Variants in XRCC4 observed in about 807,000 individuals in gnomAD.
XRCC4 encodes the protein X-ray repair cross complementing 4.
A neutral mutation model predicts 39.1 loss-of-function variants in XRCC4; 28 were observed. The ratio of observed to expected loss-of-function variants is 0.72; its 90% CI spans 0.53 to 0.98. The LOEUF (loss-of-function observed/expected upper bound fraction) is 0.98, where lower values mean the gene tolerates loss of function less well. Ranked by LOEUF, XRCC4 falls within the 50% of genes least tolerant of loss-of-function variation. The pLI, the probability that XRCC4 is intolerant of heterozygous loss-of-function variation, is 0.00. For synonymous variants in XRCC4, 123 were observed against 126.4 expected (o/e 0.97, Z 0.18); for missense variants, 350 against 376.4 (o/e 0.93, Z 0.58).
intron 7 of XRCC4, among the ~76,000 whole-genome samples, chr5:83,297,655 A>T (rs1225702448): frequency 6.6e-6 from 1 of 151,988 alleles, no homozygotes. Context: ...GAGTAAGATT[A>T]TATAATGCTT....
intron 3 of XRCC4, among the ~76,000 whole-genome samples, chr5:83,112,175 T>C (rs973738265): frequency 6.6e-5 from 10 of 152,216 alleles, no homozygotes; most frequent in African/African-American, 2.2e-4. Context: ...CCAATTTATA[T>C]AAGTTTCAAT....
chr5:83,367,165 GC>G, the XRCC4 span, among the ~76,000 whole-genome samples: 25 of 151,790 alleles, frequency 1.6e-4, no homozygotes, highest in East Asian at 4.4e-3. Context: ...GATTACAAGA[GC>G]AATAAGTCAT....
At chr5:83,260,297 C>T (rs1247303205) in intron 7 of XRCC4, among the ~76,000 whole-genome samples, 1 of 151,980 alleles carries the variant, frequency 6.6e-6, no homozygotes, top group Non-Finnish European at 1.5e-5. Context: ...CAGTTTAAAA[C>T]GTTCCAGAAA....
chr5:83,156,501 G>A (rs901266816), intron 3 of XRCC4, among the ~76,000 whole-genome samples: 13 of 151,908 alleles, frequency 8.6e-5, no homozygotes, highest in African/African-American at 2.7e-4. Flanking sequence ...TGTGATAATC[G>A]TATTTCATTC....
At chr5:83,096,387 C>A (rs72767114) in intron 1 of XRCC4, among the ~76,000 whole-genome samples, 1 of 152,040 alleles carries the variant, frequency 6.6e-6, no homozygotes, top group Non-Finnish European at 1.5e-5. Context: ...GTGGGCTGAC[C>A]GGCCTTTGTG....
At chr5:83,370,293 C>G in the XRCC4 span, among the ~76,000 whole-genome samples, 1 of 152,126 alleles carries the variant, frequency 6.6e-6, no homozygotes, top group Non-Finnish European at 1.5e-5. Flanking sequence ...ATTCTCCAAG[C>G]AGTGGATCTT....
In XRCC4 at chr5:83,302,231, TG is replaced by T. The variant is rs547025614; in HGVS notation, c.893+43556del. 2.8e-4 allele frequency among the ~76,000 whole-genome samples: 43 copies of T among 150,936 alleles called. No individual in the cohort carries two copies. The South Asian group carries it at 8.8e-3, about 31-fold the overall frequency. ...AGGGAAGTGAATGATTCTGTCTCTC[TG>T]GTGTTCCAGGAGCCAATGGGGTACC... On this transcript the variant is annotated intron_variant, in intron 7 of 7. Transcript: ENST00000396027.
chr5:83,316,964 C>A (rs1417885277), intron 7 of XRCC4, among the ~76,000 whole-genome samples: 1 of 35,800 alleles, frequency 2.8e-5, no homozygotes, highest in African/African-American at 1.2e-4. Context: ...TAAAGCTCTC[C>A]TCAGCAAATG....
chr5:83,164,631 A>AT (rs1289524188), intron 3 of XRCC4, among the ~76,000 whole-genome samples: 1 of 152,136 alleles, frequency 6.6e-6, no homozygotes, highest in East Asian at 1.9e-4. Flanking sequence ...TAGTAGCTTG[A>AT]TTGTGGTAAT....
chr5:83,360,372 T>C, the XRCC4 span, among the ~76,000 whole-genome samples: 1 of 152,138 alleles, frequency 6.6e-6, no homozygotes, highest in Admixed American at 6.6e-5. Context: ...CAGAAACACC[T>C]ACTGATATTA....
chr5:83,145,457 G>C (rs1450286407), intron 3 of XRCC4, among the ~76,000 whole-genome samples: 1 of 152,166 alleles, frequency 6.6e-6, no homozygotes, highest in Non-Finnish European at 1.5e-5. Flanking sequence ...CAGTTAACTT[G>C]GCTGTATTTC....
chr5:83,329,292 C>T (rs1756362940), intron 7 of XRCC4, among the ~76,000 whole-genome samples: 1 of 151,732 alleles, frequency 6.6e-6, no homozygotes. Context: ...TAAATTTGAC[C>T]ACATTAAAAT....
chr5:83,090,189 C>T (rs757470949), intron 1 of XRCC4, among the ~76,000 whole-genome samples: 11 of 152,154 alleles, frequency 7.2e-5, no homozygotes, highest in Non-Finnish European at 1.3e-4. Flanking sequence ...TATGGTTTGG[C>T]TGTTTCCCCA....
chr5:83,183,189 T>C (rs1409644980), intron 3 of XRCC4, among the ~76,000 whole-genome samples: 1 of 152,122 alleles, frequency 6.6e-6, no homozygotes, highest in Non-Finnish European at 1.5e-5. Context: ...AATCTCCTTT[T>C]TTTCCCCAGT....
intron 7 of XRCC4, among the ~76,000 whole-genome samples, chr5:83,290,367 C>T (rs1754881613): frequency 6.6e-6 from 1 of 150,652 alleles, no homozygotes; most frequent in African/African-American, 2.4e-5. Context: ...AGTGGATGCC[C>T]TTTTATTAAT....
At chr5:83,325,269 A>G (rs866619699) in intron 7 of XRCC4, among the ~76,000 whole-genome samples, 5 of 152,192 alleles carry the variant, frequency 3.3e-5, no homozygotes, top group Middle Eastern at 3.4e-3. Context: ...GTTATTATTC[A>G]TAATGGAATC....
chr5:83,270,889 G>A (rs892097734), intron 7 of XRCC4, among the ~76,000 whole-genome samples: 2 of 151,628 alleles, frequency 1.3e-5, no homozygotes, highest in Non-Finnish European at 2.9e-5. Flanking sequence ...GGGTTCAAGC[G>A]ATTCTCCTGC....
the XRCC4 span, among the ~76,000 whole-genome samples, chr5:83,366,745 C>T: frequency 6.6e-6 from 1 of 152,156 alleles, no homozygotes; most frequent in African/African-American, 2.4e-5. Context: ...ACAAACCAAA[C>T]CACTCCTGCT....
chr5:83,220,202 A>G (rs1358796206), intron 6 of XRCC4, among the ~76,000 whole-genome samples: 1 of 152,138 alleles, frequency 6.6e-6, no homozygotes, highest in Non-Finnish European at 1.5e-5. Flanking sequence ...TGGATCATTT[A>G]TTTGTTTGTC....
Sources: allele counts gnomAD v4.1 joint callset (sites outside exome capture counted in the v4.1 genomes callset), GRCh38; gene constraint gnomAD v4.1.1; transcripts MANE v1.5; gene names NCBI Gene and HGNC (gene_info 2026-07-23, HGNC 2026-07-21).